Variants in CACNA1C observed in about 807,000 individuals in gnomAD.
The protein encoded by CACNA1C is voltage-dependent L-type calcium channel subunit alpha-1C.
In CACNA1C, 30 loss-of-function variants were observed where a neutral mutation model predicts 229.0. That is an observed-to-expected ratio of 0.13 (90% confidence interval 0.10 to 0.18). The LOEUF (loss-of-function observed/expected upper bound fraction) is 0.18. Ranked by LOEUF, CACNA1C falls within the 10% of genes least tolerant of loss-of-function variation. The pLI is 1.00. For synonymous variants in CACNA1C, 1,114 were observed against 1,132.5 expected (o/e 0.98, Z 0.33); for missense variants, 1,658 against 2,845.0 (o/e 0.58, Z 9.49).
chr12:2,280,929 T>G (rs1160561311), intron 3 of CACNA1C, among the ~76,000 whole-genome samples: 1 of 152,360 alleles, frequency 6.6e-6, no homozygotes, highest in Non-Finnish European at 1.5e-5. Flanking sequence ...CATTGTTTTG[T>G]TATTTTAACA....
At chr12:2,496,841 T>C (rs1568035340) in intron 7 of CACNA1C, among the ~76,000 whole-genome samples, 1 of 152,164 alleles carries the variant, frequency 6.6e-6, no homozygotes. Context: ...AAAACTCGGG[T>C]TTGGTGTATA....
At position 2,540,268 on chromosome 12, in the gene CACNA1C, A is replaced by G. The variant is rs193223737; in HGVS notation, c.1391-9675A>G. Among the ~76,000 whole-genome samples the G allele has an allele frequency of 4.7e-3, 718 of 152,002 alleles. 7 individuals are homozygous for G. Among genetic ancestry groups the G allele is most frequent in the African/African-American group, 0.017 (689 of 41,426 alleles). On this transcript the variant is annotated intron_variant, in intron 9 of 46. Coordinates refer to ENST00000399655, the MANE Select transcript of CACNA1C (RefSeq NM_000719.7). ...TCCGGCACCTAGGAGTCCCCTTAAA[A>G]CCCCATGATGATATGAAGTGTTATT...
chr12:2,167,619 C>T (rs911621691), intron 3 of CACNA1C, among the ~76,000 whole-genome samples: 8 of 152,124 alleles, frequency 5.3e-5, no homozygotes, highest in Non-Finnish European at 4.4e-5. Context: ...GGAATCTGCC[C>T]CATGCATGTA....
intron 3 of CACNA1C, among the ~76,000 whole-genome samples, chr12:2,248,644 G>C (rs1415552108): frequency 6.6e-6 from 1 of 152,246 alleles, no homozygotes; most frequent in Non-Finnish European, 1.5e-5. Flanking sequence ...TCACGCTCCC[G>C]TGTTCAAAGC....
chr12:2,410,627 G>A lies in CACNA1C; in HGVS notation c.478-38349G>A, dbSNP rs1240341875. Among the ~76,000 whole-genome samples the A allele has an allele frequency of 4.1e-5, 6 of 144,824 alleles. No individual in the cohort carries two copies. The highest frequency in any genetic ancestry group is 6.0e-5 in the Non-Finnish European group (4 of 66,148). On this transcript the variant is annotated intron_variant, in intron 3 of 46. Transcript: ENST00000399655. This position sits in a 1 kb window ranked among gnomAD's most constrained non-coding sequence, Gnocchi z 5.3. ...CTGACTCTAGCTGTGAGGATGGCTC[G>A]CCTGTGTGTGTGTGTGTGTGCATGC...
chr12:2,028,018 C>A (rs1266446288), intron 1 of CACNA1C, among the ~76,000 whole-genome samples: 1 of 152,170 alleles, frequency 6.6e-6, no homozygotes, highest in African/African-American at 2.4e-5. Context: ...TGCTTCATAC[C>A]TGAAACCTTC....
chr12:2,279,596 C>A (rs192151823), intron 3 of CACNA1C, among the ~76,000 whole-genome samples: 3 of 152,272 alleles, frequency 2.0e-5, no homozygotes, highest in Admixed American at 2.0e-4. Flanking sequence ...ATAGCCTTTG[C>A]GCTGAAATTT....
Position 2,633,742 on chromosome 12 carries a change from C to T in CACNA1C, c.3829-555C>T, listed in dbSNP as rs760996284. 4.8e-6 allele frequency: 5 copies of T among 1,044,202 alleles called. No homozygotes were observed. Among genetic ancestry groups the T allele is most frequent in the African/African-American group, 1.6e-5 (1 of 63,926 alleles). The allele number at this position is 1,044,202 out of a possible 1,614,324, so 64.7% of individuals were successfully genotyped here. ...GTATTACTCTGCCCTCCCCAGGAAA[C>T]CTCCTCATTCCTCCTCCTCTGCCTC... On this transcript the variant is annotated intron_variant, in intron 29 of 46. Coordinates refer to ENST00000399655, the MANE Select transcript of CACNA1C (RefSeq NM_000719.7). This position sits in a 1 kb window ranked among gnomAD's most constrained non-coding sequence, Gnocchi z 5.8.
chr12:2,509,194 C>G (rs187960844), intron 8 of CACNA1C, among the ~76,000 whole-genome samples: 1 of 152,264 alleles, frequency 6.6e-6, no homozygotes, highest in East Asian at 1.9e-4. Context: ...CAGGAAGTAT[C>G]GCTGGACCAT....
At chr12:2,093,702 A>C (rs968900388) in intron 1 of CACNA1C, among the ~76,000 whole-genome samples, 1 of 152,174 alleles carries the variant, frequency 6.6e-6, no homozygotes, top group Non-Finnish European at 1.5e-5. Context: ...TCTGGGGCCC[A>C]TGGGGGCAGC....
chr12:2,434,780 C>T (rs1003447728), intron 3 of CACNA1C, among the ~76,000 whole-genome samples: 23 of 152,164 alleles, frequency 1.5e-4, no homozygotes, highest in African/African-American at 7.2e-5. Context: ...CCCGTCAGGC[C>T]GTAACATTTT....
chr12:2,645,131 C>A (rs1404683605), intron 30 of CACNA1C, among the ~76,000 whole-genome samples: 1 of 152,220 alleles, frequency 6.6e-6, no homozygotes. Flanking sequence ...TCAGAAATTT[C>A]TCCACGCCTA....
upstream of CACNA1C, among the ~76,000 whole-genome samples, chr12:2,052,584 C>G (rs929358607): frequency 1.4e-5 from 2 of 144,464 alleles, no homozygotes; most frequent in South Asian, 2.1e-4. Flanking sequence ...GCGACGCCGC[C>G]GGCGGGGCGC....
chr12:2,025,484 G>A (rs1000220563), intron 1 of CACNA1C, among the ~76,000 whole-genome samples: 1 of 152,146 alleles, frequency 6.6e-6, no homozygotes, highest in Non-Finnish European at 1.5e-5. Flanking sequence ...ACACCTTCTT[G>A]TTGAGGACTT....
chr12:2,189,883 G>A (rs995247998), intron 3 of CACNA1C, among the ~76,000 whole-genome samples: 2 of 152,146 alleles, frequency 1.3e-5, no homozygotes, highest in Non-Finnish European at 1.5e-5. Context: ...GATCACTGAC[G>A]CAAGAGAACA....
intron 1 of CACNA1C, among the ~76,000 whole-genome samples, chr12:2,103,791 A>G (rs1415644033): frequency 3.3e-5 from 5 of 152,238 alleles, no homozygotes; most frequent in South Asian, 2.1e-4. Context: ...AGCTTTCCGC[A>G]TATGGCTAGC....
intron 18 of CACNA1C, among the ~76,000 whole-genome samples, chr12:2,589,488 G>A (rs2064137022): frequency 6.6e-6 from 1 of 152,228 alleles, no homozygotes; most frequent in African/African-American, 2.4e-5. Context: ...CTTGGCTGTG[G>A]GGACTCCAAA....
chr12:2,071,431 G>A (rs1053982483), intron 1 of CACNA1C, among the ~76,000 whole-genome samples: 4 of 151,770 alleles, frequency 2.6e-5, no homozygotes, highest in African/African-American at 9.7e-5. Context: ...CTATGTTGCC[G>A]AGGCTGATCT....
At chr12:2,321,112 G>A (rs7304197) in intron 3 of CACNA1C, among the ~76,000 whole-genome samples, 4,948 of 152,212 alleles carry the variant, frequency 0.033, 180 homozygotes, top group African/African-American at 0.085. Flanking sequence ...AACAGAGGCT[G>A]TCTGCTTGGG....
Sources: allele counts gnomAD v4.1 joint callset (sites outside exome capture counted in the v4.1 genomes callset), GRCh38; gene constraint gnomAD v4.1.1; non-coding constraint Gnocchi (gnomAD v3.1); transcripts MANE v1.5; gene names NCBI Gene and HGNC (gene_info 2026-07-23, HGNC 2026-07-21).